ZBTB20: variants seen among roughly 807,000 people sequenced by gnomAD.
The protein encoded by ZBTB20 is zinc finger and BTB domain-containing protein 20.
In ZBTB20, 9 loss-of-function variants were observed where a neutral mutation model predicts 56.9. That is an observed-to-expected ratio of 0.16 (90% CI 0.10 to 0.28). The LOEUF is 0.28. Ranked by LOEUF, ZBTB20 falls within the 10% of genes least tolerant of loss-of-function variation. The pLI is 1.00. For missense variants in ZBTB20, 655 were observed against 1,003.0 expected, an observed-to-expected ratio of 0.65 and a Z score of 4.69; for synonymous variants, 417 against 420.7, an observed-to-expected ratio of 0.99 and a Z score of 0.11.
intron 4 of ZBTB20, among the ~76,000 whole-genome samples, chr3:114,849,588 A>G (rs1308713060): frequency 6.6e-6 from 1 of 152,202 alleles, no homozygotes; most frequent in Non-Finnish European, 1.5e-5. Flanking sequence ...TCAAACTACT[A>G]TTTGTTTTTA....
At chr3:114,487,836 C>T (rs1489593865) in intron 7 of ZBTB20, among the ~76,000 whole-genome samples, 2 of 152,116 alleles carry the variant, frequency 1.3e-5, no homozygotes, top group African/African-American at 4.8e-5. Context: ...AATCAGAGAG[C>T]GGGGAAAGAT....
chr3:114,659,401 A>G (rs2060594042), intron 6 of ZBTB20, among the ~76,000 whole-genome samples: 1 of 152,356 alleles, frequency 6.6e-6, no homozygotes, highest in East Asian at 1.9e-4. Context: ...CAACAGCTTG[A>G]AGAATATTCT....
Position 114,799,146 on chromosome 3 carries a change from A to G in ZBTB20, c.-343+1955T>C, listed in dbSNP as rs530097066. ...TCCCTGGCCTCTTGACCCAATACTTATTGTACCACTTGTCCCATTTCCCTG... is the reference window on the plus strand; with the variant it reads ...TCCCTGGCCTCTTGACCCAATACTTGTTGTACCACTTGTCCCATTTCCCTG... On this transcript the variant is annotated intron_variant, in intron 5 of 11. Coordinates refer to ENST00000675478, the MANE Select transcript of ZBTB20 (RefSeq NM_001348800.3). 1.1e-3 allele frequency among the ~76,000 whole-genome samples: 171 copies of G among 152,006 alleles called. 2 individuals are homozygous for G. The highest frequency in any genetic ancestry group is 1.8e-3 in the Non-Finnish European group (123 of 67,884).
intron 1 of ZBTB20, among the ~76,000 whole-genome samples, chr3:115,144,521 C>A (rs2084909561): frequency 6.6e-6 from 1 of 152,090 alleles, no homozygotes; most frequent in Non-Finnish European, 1.5e-5. Flanking sequence ...CTTTCTGATC[C>A]AATTATAGAA....
chr3:114,928,519 A>T (rs1377689281), intron 3 of ZBTB20, among the ~76,000 whole-genome samples: 4 of 152,224 alleles, frequency 2.6e-5, no homozygotes, highest in Non-Finnish European at 2.9e-5. Context: ...AAATTTGGCA[A>T]ATTCCTCAGA....
At chr3:114,916,893 G>A (rs1425905158) in intron 3 of ZBTB20, among the ~76,000 whole-genome samples, 3 of 152,096 alleles carry the variant, frequency 2.0e-5, no homozygotes, top group Non-Finnish European at 2.9e-5. Context: ...TCTGCTTGGT[G>A]TTCTTTAACC....
Position 114,349,228 on chromosome 3 carries a change from A to G in ZBTB20, c.1804+1046T>C, listed in dbSNP as rs536721242. Among the ~76,000 whole-genome samples the G allele has an allele frequency of 9.2e-5, 14 of 151,964 alleles. No homozygotes were observed. In the East Asian group the frequency reaches 2.7e-3, roughly 29 times the overall value. On this transcript the variant is annotated intron_variant, in intron 11 of 11. Coordinates refer to ENST00000675478, the MANE Select transcript of ZBTB20 (RefSeq NM_001348800.3). ...AAAAAAAAAAAAAAAAAGAATTTCA[A>G]ATATAATGATCATCACTGTTATAGG...
chr3:114,590,356 C>A (rs2055622936), intron 6 of ZBTB20, among the ~76,000 whole-genome samples: 1 of 151,964 alleles, frequency 6.6e-6, no homozygotes. Flanking sequence ...GAGGCTGAGG[C>A]AAGTGAATCG....
chr3:114,638,858 GC>G (rs2059412040), intron 6 of ZBTB20, among the ~76,000 whole-genome samples: 1 of 151,930 alleles, frequency 6.6e-6, no homozygotes, highest in South Asian at 2.1e-4. Context: ...AGTAGAATAA[GC>G]CCCCAAATGA....
In ZBTB20 at chr3:114,503,767, G is replaced by A. The variant is rs1191337438; in HGVS notation, c.-294-3376C>T. 5.9e-5 allele frequency among the ~76,000 whole-genome samples: 9 copies of A among 152,172 alleles called. No individual in the cohort carries two copies. In the South Asian group the frequency reaches 6.2e-4, roughly 11 times the overall value. The stretch of plus-strand genomic sequence containing the variant: ...TGACGAGGGGTGAAGTTTAATCTTC[G>A]TATTATAATGTCTGAGTGGAAATTA... On this transcript the variant is annotated intron_variant, in intron 6 of 11. Coordinates refer to ENST00000675478, the MANE Select transcript of ZBTB20 (RefSeq NM_001348800.3).
chr3:114,942,842 AGTCTT>A (rs1392311863), intron 3 of ZBTB20, among the ~76,000 whole-genome samples: 1 of 145,550 alleles, frequency 6.9e-6, no homozygotes, highest in African/African-American at 2.8e-5. Context: ...AACATTAAGA[AGTCTT>A]GTAAAGAGAG....
intron 2 of ZBTB20, among the ~76,000 whole-genome samples, chr3:115,064,986 GC>G: frequency 6.6e-6 from 1 of 152,158 alleles, no homozygotes; most frequent in Non-Finnish European, 1.5e-5. Flanking sequence ...AACCTTTGGG[GC>G]TGAAAAATTT....
chr3:115,052,184 C>T (rs2081575986), intron 2 of ZBTB20, among the ~76,000 whole-genome samples: 1 of 152,034 alleles, frequency 6.6e-6, no homozygotes, highest in Admixed American at 6.6e-5. Flanking sequence ...TGTGGTTAGG[C>T]ATGGTGGCTC....
At chr3:114,716,510 G>T (rs1354441584) in intron 5 of ZBTB20, among the ~76,000 whole-genome samples, 1 of 152,048 alleles carries the variant, frequency 6.6e-6, no homozygotes, top group Non-Finnish European at 1.5e-5. Flanking sequence ...GGTCTGCAGG[G>T]TCTACACTAA....
chr3:114,980,898 A>G (rs2078299468), intron 2 of ZBTB20, among the ~76,000 whole-genome samples: 1 of 151,960 alleles, frequency 6.6e-6, no homozygotes, highest in Non-Finnish European at 1.5e-5. Context: ...TAAGGGTTCT[A>G]GGGGGAAAGG....
intron 7 of ZBTB20, among the ~76,000 whole-genome samples, chr3:114,486,798 A>G (rs2042199252): frequency 6.6e-6 from 1 of 152,198 alleles, no homozygotes; most frequent in African/African-American, 2.4e-5. Flanking sequence ...ACCAGGGATT[A>G]AAGGTAGAAC....
intron 6 of ZBTB20, among the ~76,000 whole-genome samples, chr3:114,590,494 A>G (rs2055641967): frequency 7.1e-6 from 1 of 141,664 alleles, no homozygotes. Context: ...TTATTTATTA[A>G]TTTATTTAAT....
chr3:114,403,851 C>G (rs1163116704), intron 7 of ZBTB20, among the ~76,000 whole-genome samples: 1 of 151,978 alleles, frequency 6.6e-6, no homozygotes, highest in Non-Finnish European at 1.5e-5. Flanking sequence ...ATATGTGGGT[C>G]CCCAGCCACG....
At chr3:114,746,751 A>T (rs1010312906) in intron 5 of ZBTB20, among the ~76,000 whole-genome samples, 8 of 152,234 alleles carry the variant, frequency 5.3e-5, no homozygotes, top group Non-Finnish European at 8.8e-5. Flanking sequence ...GCAGAGAAAC[A>T]CAGTCAGGAA....
Sources: gnomAD v4.1 joint callset for allele counts (sites outside exome capture counted in the v4.1 genomes callset) on GRCh38, gnomAD v4.1.1 for gene constraint, MANE v1.5 for transcripts, NCBI Gene and HGNC (gene_info 2026-07-23, HGNC 2026-07-21) for gene names.